The following ZFHX3 variants were observed in gnomAD, a reference collection of about 807,000 sequenced individuals.
ZFHX3 encodes the protein zinc finger homeobox 3, also known as zinc finger homeobox protein 3.
In ZFHX3, 42 loss-of-function variants were observed where a neutral mutation model predicts 279.1. The observed-to-expected ratio is 0.15, with a 90% CI of 0.12 to 0.19. The LOEUF is 0.19. Among genes scored for constraint, ZFHX3 ranks in the 10% least tolerant of loss-of-function variants. The pLI is 1.00. For synonymous variants in ZFHX3, 2,293 were observed against 1,957.8 expected, an observed-to-expected ratio of 1.17 and a Z score of -4.52; for missense variants, 4,981 against 4,754.0, an observed-to-expected ratio of 1.05 and a Z score of -1.40.
At chr16:73,232,186 C>T (rs1221575749) in intron 5 of ZFHX3, 1 of 152,336 alleles carries the variant, frequency 6.6e-6, no homozygotes, top group South Asian at 2.1e-4. Flanking sequence ...ACCTGGGATC[C>T]AAATGCGGTT....
intron 2 of ZFHX3, among the ~76,000 whole-genome samples, chr16:73,576,902 A>G (rs2051805947): frequency 1.3e-5 from 2 of 152,162 alleles, no homozygotes; most frequent in Admixed American, 6.5e-5. Flanking sequence ...AGTAGGCCCC[A>G]GTGCAAAATA....
At chr16:73,503,468 G>A (rs1442700317) in intron 2 of ZFHX3, among the ~76,000 whole-genome samples, 4 of 152,168 alleles carry the variant, frequency 2.6e-5, no homozygotes, top group African/African-American at 9.7e-5. Context: ...TTGACCGCAC[G>A]TGTCTGCTCT....
At chr16:73,450,762 C>T (rs916708567) in intron 3 of ZFHX3, among the ~76,000 whole-genome samples, 3 of 152,228 alleles carry the variant, frequency 2.0e-5, no homozygotes, top group African/African-American at 7.2e-5. Flanking sequence ...TGCAGATTAA[C>T]AGCTTCTGCC....
chr16:73,313,861 A>G (rs1306236614), intron 4 of ZFHX3, among the ~76,000 whole-genome samples: 1 of 152,090 alleles, frequency 6.6e-6, no homozygotes, highest in Non-Finnish European at 1.5e-5. Flanking sequence ...TAATCCCAAC[A>G]CTTTGGGAGG....
At chr16:73,012,837 T>C (rs1029316628) in intron 1 of ZFHX3, among the ~76,000 whole-genome samples, 2 of 152,218 alleles carry the variant, frequency 1.3e-5, no homozygotes, top group African/African-American at 4.8e-5. Flanking sequence ...TTAACAACTC[T>C]AATTTAATCC....
At chr16:73,795,989 G>C (rs1278479684) in intron 1 of ZFHX3, among the ~76,000 whole-genome samples, 1 of 152,162 alleles carries the variant, frequency 6.6e-6, no homozygotes, top group Non-Finnish European at 1.5e-5. Flanking sequence ...CCTGAATTTG[G>C]TAAATAGATG....
At chr16:73,816,634 G>A (rs1335347651) in intron 1 of ZFHX3, among the ~76,000 whole-genome samples, 1 of 152,170 alleles carries the variant, frequency 6.6e-6, no homozygotes, top group Non-Finnish European at 1.5e-5. Flanking sequence ...AGAGATGGGG[G>A]GGGAGAGAAA....
chr16:73,304,798 T>G (rs895034338), intron 4 of ZFHX3, among the ~76,000 whole-genome samples: 1 of 152,162 alleles, frequency 6.6e-6, no homozygotes, highest in Non-Finnish European at 1.5e-5. Flanking sequence ...AAGAGCAGCC[T>G]CCATAAATCT....
chr16:73,658,990 C>A (rs2052751254), intron 2 of ZFHX3, among the ~76,000 whole-genome samples: 6 of 151,734 alleles, frequency 4.0e-5, no homozygotes, highest in Admixed American at 6.6e-5. Flanking sequence ...GATAGGTAAC[C>A]AAAGAGAAAC....
rs1306711651 is a variant in ZFHX3, at chr16:72,818,959, A to C, written c.3530-6921T>G. Among the ~76,000 whole-genome samples, 3 of 152,346 alleles carry C rather than the reference A, an allele frequency of 2.0e-5. No individual in the cohort carries two copies. The South Asian group carries it at 6.2e-4, about 32-fold the overall frequency. On this transcript the variant is annotated intron_variant, in intron 5 of 9. Transcript: ENST00000268489. The stretch of plus-strand genomic sequence containing the variant: ...CTACACATAGGTATAAGAGTTACTC[A>C]GGGAAAGGCTATTTTTCTTCTCCAA...
At chr16:72,854,681 A>G (rs1200943415) in intron 4 of ZFHX3, among the ~76,000 whole-genome samples, 3 of 152,168 alleles carry the variant, frequency 2.0e-5, no homozygotes, top group Non-Finnish European at 4.4e-5. Flanking sequence ...GGATAGGCCA[A>G]TTTCAAAGAC....
At chr16:73,568,530 C>A (rs2020481749) in intron 2 of ZFHX3, among the ~76,000 whole-genome samples, 1 of 152,126 alleles carries the variant, frequency 6.6e-6, no homozygotes, top group Non-Finnish European at 1.5e-5. Context: ...AAAAATCAAC[C>A]CGTTGACTGA....
At chr16:72,931,559 C>T (rs573737508) in intron 3 of ZFHX3, among the ~76,000 whole-genome samples, 4 of 139,388 alleles carry the variant, frequency 2.9e-5, no homozygotes, top group African/African-American at 8.2e-5. Flanking sequence ...AGGAGGGATG[C>T]ACCATTTAAA....
chr16:73,380,037 A>G (rs1185457053), intron 3 of ZFHX3, among the ~76,000 whole-genome samples: 1 of 152,224 alleles, frequency 6.6e-6, no homozygotes, highest in East Asian at 1.9e-4. Flanking sequence ...GAAAACGTAA[A>G]GTACAGATGA....
chr16:73,426,133 G>C (rs2017806523), intron 3 of ZFHX3, among the ~76,000 whole-genome samples: 1 of 152,176 alleles, frequency 6.6e-6, no homozygotes, highest in Non-Finnish European at 1.5e-5. Flanking sequence ...ATGAGCCCTG[G>C]ACAGCCTGGT....
intron 2 of ZFHX3, among the ~76,000 whole-genome samples, chr16:73,485,859 G>C (rs1428610743): frequency 6.6e-6 from 1 of 152,122 alleles, no homozygotes; most frequent in African/African-American, 2.4e-5. Context: ...CTTAGTCTGG[G>C]TGAAAACTCC....
intron 1 of ZFHX3, among the ~76,000 whole-genome samples, chr16:73,842,351 G>C (rs1453787914): frequency 1.3e-5 from 2 of 152,096 alleles, no homozygotes; most frequent in African/African-American, 4.8e-5. Flanking sequence ...AGCTGCTGGT[G>C]CCTCCCCAGG....
intron 2 of ZFHX3, among the ~76,000 whole-genome samples, chr16:73,502,459 A>G (rs1373781953): frequency 6.6e-6 from 1 of 152,222 alleles, no homozygotes; most frequent in Non-Finnish European, 1.5e-5. Context: ...CAAGTCAATC[A>G]TAGGTACTGG....
intron 1 of ZFHX3, among the ~76,000 whole-genome samples, chr16:73,733,287 T>C (rs1394481562): frequency 6.6e-6 from 1 of 152,108 alleles, no homozygotes; most frequent in Non-Finnish European, 1.5e-5. Context: ...AATTTAACAG[T>C]TATTCTTAGA....
Sources: gnomAD v4.1 joint callset for allele counts (sites outside exome capture counted in the v4.1 genomes callset) on GRCh38, gnomAD v4.1.1 for gene constraint, MANE v1.5 for transcripts, NCBI Gene and HGNC (gene_info 2026-07-23, HGNC 2026-07-21) for gene names.